The following CCDC3 variants were observed in gnomAD, a reference collection of about 807,000 sequenced individuals.
The protein encoded by CCDC3 is coiled-coil domain containing 3, also known as coiled-coil domain-containing protein 3.
CCDC3 carries 24 observed loss-of-function variants against 21.4 expected under a neutral mutation model. The ratio of observed to expected loss-of-function variants is 1.12; its 90% CI spans 0.81 to 1.58. The LOEUF (loss-of-function observed/expected upper bound fraction) is 1.58. Among genes scored for constraint, CCDC3 ranks in the 40% most tolerant of loss-of-function variants. CCDC3 has a pLI of 0.00. For missense variants in CCDC3, 425 were observed against 360.9 expected (o/e 1.18, Z -1.44); for synonymous variants, 186 against 166.0 (o/e 1.12, Z -0.93).
At chr10:12,920,061 G>A (rs2131215162) in intron 2 of CCDC3, among the ~76,000 whole-genome samples, 1 of 152,288 alleles carries the variant, frequency 6.6e-6, no homozygotes, top group Middle Eastern at 3.4e-3. Flanking sequence ...GCATTAGTCT[G>A]TTTTCATGCT....
At chr10:13,006,485 C>A (rs889039529), upstream of CCDC3, among the ~76,000 whole-genome samples, 16 of 152,210 alleles carry the variant, frequency 1.1e-4, no homozygotes, top group Non-Finnish European at 2.4e-4. Flanking sequence ...TGATAACTAT[C>A]GCCACTTCTT....
chr10:13,004,956 C>T (rs750001740), upstream of CCDC3, among the ~76,000 whole-genome samples: 2 of 152,072 alleles, frequency 1.3e-5, no homozygotes, highest in African/African-American at 2.4e-5. Flanking sequence ...ACTTGGTAAC[C>T]GTTATAAGAT....
intron 2 of CCDC3, among the ~76,000 whole-genome samples, chr10:12,976,519 G>A (rs1311209317): frequency 6.6e-6 from 1 of 152,162 alleles, no homozygotes; most frequent in African/African-American, 2.4e-5. Flanking sequence ...AATCATCAAG[G>A]TGAGAATCCA....
intron 4 of CCDC3, among the ~76,000 whole-genome samples, chr10:13,064,727 A>G (rs917919982): frequency 1.3e-5 from 2 of 152,174 alleles, no homozygotes; most frequent in African/African-American, 4.8e-5. Context: ...CGGAGCTTGC[A>G]GTGAGCCAAG....
chr10:13,063,297 T>A lies in CCDC3; in HGVS notation c.-270+10571A>T, dbSNP rs12770536. 1.8e-3 allele frequency among the ~76,000 whole-genome samples: 272 copies of A among 151,838 alleles called. 1 individual carries two copies. The highest frequency in any genetic ancestry group is 2.9e-3 in the Non-Finnish European group (196 of 67,906). On this transcript the variant is annotated intron_variant, in intron 4 of 6. Coordinates refer to the CCDC3 transcript ENST00000378839. ...TTGAACCCCTTGGGTGGTTACAATA[T>A]AAATAATTGTTCTAGGCATGGTGTC...
At chr10:12,909,175 C>G (rs1041099925) in intron 2 of CCDC3, among the ~76,000 whole-genome samples, 1 of 152,158 alleles carries the variant, frequency 6.6e-6, no homozygotes, top group East Asian at 1.9e-4. Flanking sequence ...CCAGTCACGG[C>G]CAGTTAATTC....
chr10:12,916,450 A>C (rs568697949), intron 2 of CCDC3, among the ~76,000 whole-genome samples: 47 of 140,280 alleles, frequency 3.4e-4, no homozygotes, highest in Non-Finnish European at 5.1e-4. Flanking sequence ...AAAAAAATTG[A>C]CAGCCTGGGG....
chr10:13,074,263 T>A lies in CCDC3; in HGVS notation c.-502-163A>T, dbSNP rs1346101854. On this transcript the variant is annotated intron_variant, in intron 3 of 6. Coordinates refer to the CCDC3 transcript ENST00000378839. ...ACCTCTGCCTCCCAGGTTCAAGCAATTCTCCTGCCTCAGCCTCCCGAGTAG... is the reference window on the plus strand; with the variant it reads ...ACCTCTGCCTCCCAGGTTCAAGCAAATCTCCTGCCTCAGCCTCCCGAGTAG... Among the ~76,000 whole-genome samples the A allele has an allele frequency of 5.5e-5, 8 of 146,776 alleles. No homozygotes were observed. The East Asian group carries it at 6.0e-4, about 11-fold the overall frequency.
intron 4 of CCDC3, among the ~76,000 whole-genome samples, chr10:13,050,155 G>A (rs1171745487): frequency 6.6e-6 from 1 of 152,214 alleles, no homozygotes; most frequent in African/African-American, 2.4e-5. Context: ...GGCTGGGGAA[G>A]GGGAACACAG....
At chr10:13,060,248 C>T (rs185002511) in intron 4 of CCDC3, among the ~76,000 whole-genome samples, 210 of 152,250 alleles carry the variant, frequency 1.4e-3, no homozygotes, top group African/African-American at 4.7e-3. Flanking sequence ...AAGACGTGAC[C>T]TTGCTGTGCG....
At chr10:13,092,497 G>T (rs1202044248) in intron 3 of CCDC3, among the ~76,000 whole-genome samples, 1 of 152,204 alleles carries the variant, frequency 6.6e-6, no homozygotes, top group Non-Finnish European at 1.5e-5. Flanking sequence ...GTCTCTGCAA[G>T]AAGTCTGTTA....
intron 2 of CCDC3, among the ~76,000 whole-genome samples, chr10:12,919,764 G>A (rs1367300785): frequency 6.6e-6 from 1 of 151,322 alleles, no homozygotes; most frequent in Non-Finnish European, 1.5e-5. Flanking sequence ...GGTGGGGGGT[G>A]GGCGTTAGCC....
intron 2 of CCDC3, among the ~76,000 whole-genome samples, chr10:12,903,458 T>C (rs1834124065): frequency 6.6e-6 from 1 of 152,272 alleles, no homozygotes; most frequent in Non-Finnish European, 1.5e-5. Context: ...TTGCTCAATT[T>C]GCTTTGTGGT....
At chr10:12,967,338 A>G (rs1308491899) in intron 2 of CCDC3, among the ~76,000 whole-genome samples, 5 of 152,238 alleles carry the variant, frequency 3.3e-5, no homozygotes, top group Admixed American at 6.5e-5. Flanking sequence ...AACTAACCAC[A>G]AAGAAATTAA....
chr10:12,920,223 A>G (rs916424203), intron 2 of CCDC3, among the ~76,000 whole-genome samples: 3 of 152,196 alleles, frequency 2.0e-5, no homozygotes, highest in Non-Finnish European at 4.4e-5. Flanking sequence ...ATGAGAGCCA[A>G]GTCAAAGGGG....
At chr10:12,973,803 C>T (rs896711255) in intron 2 of CCDC3, among the ~76,000 whole-genome samples, 2 of 152,116 alleles carry the variant, frequency 1.3e-5, no homozygotes, top group Non-Finnish European at 2.9e-5. Flanking sequence ...GTTTTATATC[C>T]CCACAGCCTC....
chr10:13,050,346 G>A (rs976896286), intron 4 of CCDC3, among the ~76,000 whole-genome samples: 9 of 152,142 alleles, frequency 5.9e-5, no homozygotes, highest in Non-Finnish European at 1.0e-4. Flanking sequence ...GGCAGGTGTC[G>A]ACCTTTAAAT....
At chr10:12,922,118 T>C (rs999383701) in intron 2 of CCDC3, among the ~76,000 whole-genome samples, 1 of 152,106 alleles carries the variant, frequency 6.6e-6, no homozygotes, top group Admixed American at 6.5e-5. Flanking sequence ...GTCCAGGCTT[T>C]ATCTCTGACT....
At chr10:12,980,492 G>C (rs1835480258) in intron 2 of CCDC3, among the ~76,000 whole-genome samples, 1 of 152,166 alleles carries the variant, frequency 6.6e-6, no homozygotes, top group Admixed American at 6.5e-5. Flanking sequence ...GAATCTGCTG[G>C]TGTCTGTGAT....
Sources: allele counts gnomAD v4.1 joint callset (sites outside exome capture counted in the v4.1 genomes callset), GRCh38; gene constraint gnomAD v4.1.1; transcripts MANE v1.5; gene names NCBI Gene and HGNC (gene_info 2026-07-23, HGNC 2026-07-21).